The following CNN2 variants were observed in gnomAD, a reference collection of about 807,000 sequenced individuals.
CNN2 encodes calponin-2.
In CNN2, 21 loss-of-function variants were observed where a neutral mutation model predicts 31.0. The ratio of observed to expected loss-of-function variants is 0.68; its 90% CI spans 0.48 to 0.98. CNN2 has a LOEUF of 0.98. CNN2 is among the 50% of genes least tolerant of loss of function. The pLI, the probability that CNN2 is intolerant of heterozygous loss-of-function variation, is 0.00. For synonymous variants in CNN2, 165 were observed against 179.6 expected (o/e 0.92, Z 0.65); for missense variants, 399 against 427.3 (o/e 0.93, Z 0.58).
At position 1,036,571 on chromosome 19, in the gene CNN2, C is replaced by T. The variant is rs774746756; in HGVS notation, c.654+9C>T. 1.6e-5 allele frequency: 26 copies of T among 1,613,482 alleles called. No individual in the cohort carries two copies. Among genetic ancestry groups the T allele is most frequent in the Non-Finnish European group, 2.2e-5 (26 of 1,179,930 alleles). On this transcript the variant is annotated intron_variant, in intron 6 of 6. Transcript: ENST00000263097. Reference sequence around the variant, plus strand: ...ACAAGTGTGCCAGCCAGGTGGGGCTCGCCCGGGTGCCCCCGACTCCTCTCC... The same window carrying T: ...ACAAGTGTGCCAGCCAGGTGGGGCTTGCCCGGGTGCCCCCGACTCCTCTCC...
intron 6 of CNN2, 198 bp from the exon 7 acceptor site, chr19:1,037,427 C>G (rs2039608166): frequency 1.6e-6 from 1 of 637,800 alleles, no homozygotes; most frequent in African/African-American, 1.8e-5. Context: ...CATGTGCCAC[C>G]ACGCCCAGCT....
chr19:1,037,305 T>G, intron 6 of CNN2: 8 of 245,898 alleles, frequency 3.3e-5, no homozygotes, highest in South Asian at 5.7e-5. Context: ...GCCCGGCTAA[T>G]TTTTGTATTT....
chr19:1,031,281 G>A, intron 2 of CNN2, 89 bp downstream of exon 2: 5 of 1,158,448 alleles, frequency 4.3e-6, no homozygotes, highest in Admixed American at 3.0e-5. Context: ...TTTTTGGGGG[G>A]CCGGGCATGG....
At chr19:1,033,494 C>G (rs1465365532) in intron 4 of CNN2, among the ~76,000 whole-genome samples, 1 of 152,188 alleles carries the variant, frequency 6.6e-6, no homozygotes, top group Admixed American at 6.5e-5. Context: ...GAGCAAGACT[C>G]TCTCAAAAAA....
At position 1,036,281 on chromosome 19, in the gene CNN2, G is replaced by T. The variant is rs1358721113; in HGVS notation, c.507+35G>T. The T allele has an allele frequency of 3.2e-6, 5 of 1,567,832 alleles. No individual in the cohort carries two copies. The African/African-American group carries it at 6.7e-5, about 21-fold the overall frequency. ...AGCTCCCCCAGCCCCAGGGACCACG[G>T]CATTGGGGGACCACGGTGTTGGGGG... is the stretch of plus-strand genomic sequence containing the variant. On this transcript the variant is annotated intron_variant, in intron 5 of 6. Transcript: ENST00000263097.
At chr19:1,026,793 C>A in intron 1 of CNN2, 69 bp downstream of exon 1, 1 of 1,440,216 alleles carries the variant, frequency 6.9e-7, no homozygotes, top group Admixed American at 2.4e-5. Flanking sequence ...TGCAGGAGCC[C>A]CCAGGCGCCC....
Position 1,032,702 on chromosome 19 carries a change from G to T in CNN2, c.390+6G>T. The T allele has an allele frequency of 6.2e-7, 1 of 1,601,894 alleles. No individual in the cohort carries two copies. Among genetic ancestry groups the T allele is most frequent in the Non-Finnish European group, 8.5e-7 (1 of 1,172,888 alleles). ...TTCTCGCCCTGGCGGGGAAGGTGAG[G>T]CCCAGAGAGGGGCAGCCACCTGCCC... On this transcript the variant is annotated splice_donor_region_variant and intron_variant, in intron 4 of 6. Transcript: ENST00000263097.
intron 6 of CNN2, chr19:1,037,200 A>C (rs577826826): frequency 5.1e-6 from 1 of 194,266 alleles, no homozygotes; most frequent in East Asian, 1.4e-4. Flanking sequence ...ACGGGGTTTC[A>C]CTGTGTTGGT....
In CNN2 at chr19:1,032,540, C is replaced by T; in HGVS notation, c.253-19C>T. The T allele has an allele frequency of 1.2e-6, 2 of 1,613,350 alleles. No individual in the cohort carries two copies. Among genetic ancestry groups the T allele is most frequent in the South Asian group, 1.1e-5 (1 of 91,066 alleles). On this transcript the variant is annotated intron_variant, in intron 3 of 6. Transcript: ENST00000263097. ...GGAGACTGAGGCCCACTCACTGTCC[C>T]TCTCCTGCCTCTTCCCAGCTAGAAA... is the stretch of plus-strand genomic sequence containing the variant.
chr19:1,031,098 G>A lies in CNN2; in HGVS notation c.91G>A (p.Glu31Lys), dbSNP rs1322902845. 1 of 1,613,204 alleles carries A rather than the reference G, an allele frequency of 6.2e-7. No homozygotes were observed. Among genetic ancestry groups the A allele is most frequent in the Non-Finnish European group, 8.5e-7 (1 of 1,179,792 alleles). The change falls in exon 2 of 7, where the codon GAG becomes AAG. Residue 31 changes from glutamate (E) to lysine (K), a missense_variant. By Grantham distance (56) the Glu-to-Lys change is moderately conservative. Transcript: ENST00000263097. ...CCTGTCCAAATATGACCCCCAGAAGGAGGCAGAGCTCCGCACCTGGATCGA... is the reference window on the plus strand; with the variant it reads ...CCTGTCCAAATATGACCCCCAGAAGAAGGCAGAGCTCCGCACCTGGATCGA... Reference protein sequence around the residue: ...RLLSKYDPQKEAELRTWIEGL... With the variant: ...RLLSKYDPQKKAELRTWIEGL...
chr19:1,028,358 G>T (rs1039944811), intron 1 of CNN2, among the ~76,000 whole-genome samples: 2 of 152,118 alleles, frequency 1.3e-5, no homozygotes, highest in African/African-American at 4.8e-5. Flanking sequence ...CAGTCTGTCC[G>T]TTTGGAGGGT....
chr19:1,029,379 T>C (rs1599506265), intron 1 of CNN2, among the ~76,000 whole-genome samples: 1 of 76,606 alleles, frequency 1.3e-5, no homozygotes, highest in Non-Finnish European at 2.3e-5. Context: ...CAGGGGACCC[T>C]AACCCAAATC....
chr19:1,036,093 C>T (rs2039578335), intron 4 of CNN2, 37 bp from the exon 5 acceptor site: 3 of 1,560,562 alleles, frequency 1.9e-6, no homozygotes, highest in Non-Finnish European at 2.6e-6. Flanking sequence ...CCCTGGCTGC[C>T]CTCTGCTGGT....
intron 6 of CNN2, 88 bp downstream of exon 6, chr19:1,036,650 C>T (rs766288656): frequency 2.0e-6 from 3 of 1,505,332 alleles, no homozygotes; most frequent in Non-Finnish European, 2.8e-6. Flanking sequence ...CCTCCAGCTT[C>T]TCTCCCCACT....
intron 2 of CNN2, 65 bp from the exon 3 acceptor site, chr19:1,032,327 G>A (rs2039511231): frequency 5.6e-6 from 9 of 1,595,186 alleles, no homozygotes; most frequent in Non-Finnish European, 7.7e-6. Context: ...TCAGCATCGG[G>A]TCTTCACGGT....
At chr19:1,033,643 CGTGGGTGGGACAGT>C (rs2039536908) in intron 4 of CNN2, among the ~76,000 whole-genome samples, 1 of 147,984 alleles carries the variant, frequency 6.8e-6, no homozygotes, top group African/African-American at 2.5e-5. Context: ...AGACCGGGAG[CGTGGGTGGGACAGT>C]GTCTGGTGTA....
chr19:1,036,348 C>G, intron 5 of CNN2, 68 bp from the exon 6 acceptor site: 1 of 1,588,676 alleles, frequency 6.3e-7, no homozygotes, highest in South Asian at 1.1e-5. Context: ...CCTGTGGTCC[C>G]TCAATTTCAG....
chr19:1,030,024 G>T (rs1390460379), intron 1 of CNN2, among the ~76,000 whole-genome samples: 2 of 151,978 alleles, frequency 1.3e-5, no homozygotes, highest in East Asian at 3.9e-4. Flanking sequence ...TCTCCCTCCA[G>T]CGTTTATCTC....
intron 1 of CNN2, among the ~76,000 whole-genome samples, chr19:1,027,793 G>T (rs533679718): frequency 1.4e-3 from 218 of 152,256 alleles, no homozygotes; most frequent in African/African-American, 4.7e-3. Context: ...ACTTCTGCAG[G>T]GGAAACTGCC....
Sources: gnomAD v4.1 joint callset for allele counts (sites outside exome capture counted in the v4.1 genomes callset) on GRCh38, gnomAD v4.1.1 for gene constraint, MANE v1.5 for transcripts, NCBI Gene and HGNC (gene_info 2026-07-23, HGNC 2026-07-21) for gene names.